The following CAMTA1 variants were observed in gnomAD, a reference collection of about 807,000 sequenced individuals.
CAMTA1 encodes calmodulin-binding transcription activator 1.
In CAMTA1, 27 loss-of-function variants were observed where a neutral mutation model predicts 170.9. The observed-to-expected ratio is 0.16, with a 90% CI of 0.12 to 0.22. CAMTA1 has a LOEUF of 0.22. CAMTA1 is among the 10% of genes least tolerant of loss of function. The pLI, the probability that CAMTA1 is intolerant of heterozygous loss-of-function variation, is 1.00. For missense variants in CAMTA1, 1,619 were observed against 2,217.2 expected, an observed-to-expected ratio of 0.73 and a Z score of 5.42; for synonymous variants, 833 against 891.5, an observed-to-expected ratio of 0.93 and a Z score of 1.17.
intron 5 of CAMTA1, among the ~76,000 whole-genome samples, chr1:7,410,657 GA>G (rs2149256106): frequency 6.6e-6 from 1 of 152,374 alleles, no homozygotes; most frequent in South Asian, 2.1e-4. Context: ...AGCTCAGGTT[GA>G]AGAACTCGTG....
rs70984036 is a variant in CAMTA1 at position 6,904,733 on chromosome 1, ATTTTTTTTTT to A, written c.234+79546_234+79555del. On this transcript the variant is annotated intron_variant, in intron 3 of 22. Transcript: ENST00000303635. The stretch of plus-strand genomic sequence containing the variant: ...AGGCATGCGCCACCATGCCCAGCTA[ATTTTTTTTTT>A]TTTTTTTTTTTTTTTTTTTTTTAAT... Among the ~76,000 whole-genome samples the A allele has an allele frequency of 3.8e-3, 271 of 71,012 alleles. 1 individual carries two copies. Among genetic ancestry groups the A allele is most frequent in the Middle Eastern group, 0.016 (1 of 62 alleles). The allele number at this position is 71,012 out of a possible 152,430, so 46.6% of individuals were successfully genotyped here.
chr1:7,103,526 A>G (rs1321244899), intron 4 of CAMTA1, among the ~76,000 whole-genome samples: 2 of 144,334 alleles, frequency 1.4e-5, no homozygotes, highest in Admixed American at 6.8e-5. Context: ...CGTACACACA[A>G]CACACAACTA....
chr1:7,308,769 T>C (rs12026592), intron 5 of CAMTA1, among the ~76,000 whole-genome samples: 45,232 of 152,106 alleles, frequency 0.3, 7,496 homozygotes, highest in East Asian at 0.64. Context: ...GAATATTCCA[T>C]GTATAATTAA....
chr1:7,523,722 CA>C lies in CAMTA1; in HGVS notation c.510+55832del, dbSNP rs70984089. Among the ~76,000 whole-genome samples, 18 of 146,784 alleles carry C rather than the reference CA, an allele frequency of 1.2e-4. No homozygotes were observed. The South Asian group carries it at 1.7e-3, about 14-fold the overall frequency. On this transcript the variant is annotated intron_variant, in intron 6 of 22. Transcript: ENST00000303635. Reference sequence around the variant, plus strand: ...TGAAACCCCGTCTCTACTAAATATACAAAAAAAAAAATTAGCCGGGCGTGGT... The same window carrying C: ...TGAAACCCCGTCTCTACTAAATATACAAAAAAAAAATTAGCCGGGCGTGGT...
At chr1:7,439,770 G>A (rs1237243629) in intron 5 of CAMTA1, among the ~76,000 whole-genome samples, 1 of 152,206 alleles carries the variant, frequency 6.6e-6, no homozygotes, top group Non-Finnish European at 1.5e-5. Flanking sequence ...CTCCCCAGGT[G>A]CAGATGAAGG....
intron 5 of CAMTA1, among the ~76,000 whole-genome samples, chr1:7,398,905 T>C (rs944874531): frequency 1.3e-5 from 2 of 152,218 alleles, no homozygotes; most frequent in East Asian, 3.8e-4. Context: ...TTTGGCTACA[T>C]TTAAATATTC....
chr1:7,096,061 A>G (rs193122352), intron 4 of CAMTA1, among the ~76,000 whole-genome samples: 17 of 152,354 alleles, frequency 1.1e-4, no homozygotes, highest in Admixed American at 1.1e-3. Flanking sequence ...ATTGATATAG[A>G]TAGCACCTCC....
At chr1:7,009,468 G>A (rs1211691262) in intron 3 of CAMTA1, among the ~76,000 whole-genome samples, 1 of 152,186 alleles carries the variant, frequency 6.6e-6, no homozygotes, top group Non-Finnish European at 1.5e-5. Flanking sequence ...CAGTGTCCCT[G>A]TCCGGCCCCC....
At chr1:7,753,222 C>A (rs967582620) in intron 21 of CAMTA1, among the ~76,000 whole-genome samples, 2 of 152,208 alleles carry the variant, frequency 1.3e-5, no homozygotes, top group Admixed American at 6.5e-5. Context: ...AGAGGAATTT[C>A]TCTTTGTTCC....
chr1:7,369,673 C>T (rs2086286013), intron 5 of CAMTA1, among the ~76,000 whole-genome samples: 1 of 152,050 alleles, frequency 6.6e-6, no homozygotes, highest in Non-Finnish European at 1.5e-5. Context: ...CCTTGGTGCC[C>T]AGTCTTTACT....
intron 3 of CAMTA1, among the ~76,000 whole-genome samples, chr1:7,013,209 CTTT>C (rs969077771): frequency 2.3e-4 from 19 of 84,190 alleles, no homozygotes; most frequent in East Asian, 1.1e-3. Context: ...TGCCCTTCTT[CTTT>C]TTTTTTTTTT....
intron 4 of CAMTA1, among the ~76,000 whole-genome samples, chr1:7,167,011 A>G (rs773088977): frequency 3.3e-5 from 5 of 151,940 alleles, no homozygotes; most frequent in Admixed American, 6.6e-5. Context: ...GGGTTTCACC[A>G]TGTTGGCCAG....
intron 3 of CAMTA1, among the ~76,000 whole-genome samples, chr1:6,961,376 C>T (rs781558071): frequency 1.3e-5 from 2 of 152,192 alleles, no homozygotes; most frequent in African/African-American, 4.8e-5. Flanking sequence ...CTGCACGTCA[C>T]GTCCCTCCCA....
chr1:7,376,026 G>C (rs1427150847), intron 5 of CAMTA1, among the ~76,000 whole-genome samples: 1 of 152,170 alleles, frequency 6.6e-6, no homozygotes, highest in Admixed American at 6.5e-5. Context: ...GCTTCCCTCA[G>C]ACTAAGAGCC....
chr1:7,598,573 T>G (rs1576318696), intron 6 of CAMTA1, among the ~76,000 whole-genome samples: 1 of 152,344 alleles, frequency 6.6e-6, no homozygotes, highest in Admixed American at 6.5e-5. Context: ...GTGTTCCTAT[T>G]TCTCCACATC....
At chr1:6,871,855 TTTTAA>T (rs1269654416) in intron 3 of CAMTA1, 2 of 1,464,146 alleles carry the variant, frequency 1.4e-6, no homozygotes, top group East Asian at 5.2e-5. Context: ...CCATTTCATT[TTTTAA>T]TTTAATTTCA....
intron 4 of CAMTA1, among the ~76,000 whole-genome samples, chr1:7,091,651 G>C (rs1033891614): frequency 2.0e-5 from 3 of 152,248 alleles, no homozygotes; most frequent in Non-Finnish European, 4.4e-5. Flanking sequence ...ACAGGCAGGA[G>C]CCTCAGGGGA....
rs945859486 is a variant in CAMTA1, at chr1:7,585,854, G to T, written c.511-54546G>T. On this transcript the variant is annotated intron_variant, in intron 6 of 22. Coordinates refer to ENST00000303635, the MANE Select transcript of CAMTA1 (RefSeq NM_015215.4). This position sits in a 1 kb window ranked among gnomAD's most constrained non-coding sequence, Gnocchi z 4.8. ...AGTAGACTCAGCCCCCACCTCCCCTGCCTCCCACCTCCCCTCTCGATGCGG... is the reference window on the plus strand; with the variant it reads ...AGTAGACTCAGCCCCCACCTCCCCTTCCTCCCACCTCCCCTCTCGATGCGG... Among the ~76,000 whole-genome samples the T allele has an allele frequency of 2.0e-5, 3 of 151,634 alleles. No homozygotes were observed. The highest frequency in any genetic ancestry group is 4.4e-5 in the Non-Finnish European group (3 of 67,952).
chr1:7,346,636 G>A (rs2084241786), intron 5 of CAMTA1, among the ~76,000 whole-genome samples: 1 of 152,206 alleles, frequency 6.6e-6, no homozygotes, highest in South Asian at 2.1e-4. Flanking sequence ...GCGGGGAAGA[G>A]GGTAGAAGTT....
Sources: allele counts gnomAD v4.1 joint callset (sites outside exome capture counted in the v4.1 genomes callset), GRCh38; gene constraint gnomAD v4.1.1; non-coding constraint Gnocchi (gnomAD v3.1); transcripts MANE v1.5; gene names NCBI Gene and HGNC (gene_info 2026-07-23, HGNC 2026-07-21).